The following MBOAT2 variants were observed in gnomAD, a reference collection of about 807,000 sequenced individuals.
MBOAT2 encodes the protein membrane bound glycerophospholipid O-acyltransferase 2.
Under a neutral mutation model 63.4 loss-of-function variants are expected in MBOAT2, and 28 were observed. The ratio of observed to expected loss-of-function variants is 0.44; its 90% CI spans 0.33 to 0.61. The LOEUF is 0.61. Among genes scored for constraint, MBOAT2 ranks in the 20% least tolerant of loss-of-function variants. The pLI is 0.03. For missense variants in MBOAT2, 470 were observed against 605.8 expected (o/e 0.78, Z 2.35); for synonymous variants, 211 against 215.6 (o/e 0.98, Z 0.19).
intron 1 of MBOAT2, among the ~76,000 whole-genome samples, chr2:8,960,259 T>G (rs1000167158): frequency 6.6e-6 from 1 of 152,246 alleles, no homozygotes; most frequent in Non-Finnish European, 1.5e-5. Context: ...AAGTATCTCT[T>G]ATTTCTTTCT....
chr2:8,931,899 G>T (rs1230586234), intron 3 of MBOAT2, among the ~76,000 whole-genome samples: 1 of 152,156 alleles, frequency 6.6e-6, no homozygotes, highest in Non-Finnish European at 1.5e-5. Flanking sequence ...GGTTGTAGAT[G>T]TGTGGTATTA....
At chr2:8,920,054 T>C (rs1216946920) in intron 3 of MBOAT2, among the ~76,000 whole-genome samples, 1 of 152,154 alleles carries the variant, frequency 6.6e-6, no homozygotes, top group East Asian at 1.9e-4. Context: ...GCGTGTGCTA[T>C]CACACTCAGA....
chr2:8,860,614 T>C lies in MBOAT2; in HGVS notation c.1336A>G (p.Ser446Gly), dbSNP rs766881306. 1.9e-6 allele frequency: 3 copies of C among 1,612,172 alleles called. No individual in the cohort carries two copies. The highest frequency in any genetic ancestry group is 1.7e-6 in the Non-Finnish European group (2 of 1,179,448). Residue 446 changes from serine to glycine, a missense_variant and splice_region_variant, in exon 12 of 13, where the codon AGC (serine) becomes GGC (glycine). Physicochemically the swap from Ser to Gly is moderately conservative, Grantham distance 56. Coordinates refer to ENST00000305997, the MANE Select transcript of MBOAT2 (RefSeq NM_138799.4). ...LSIKPSLTFY[S>G]SWYYCLHILG... is the part of the protein sequence containing the mutation. ...CAAAGTTTTAAGAGTAACACTTACC[T>C]GTAAAACGTGAGTGATGGTTTTATA...
intron 4 of MBOAT2, among the ~76,000 whole-genome samples, chr2:8,895,338 A>G (rs1664368462): frequency 6.6e-6 from 1 of 152,088 alleles, no homozygotes; most frequent in Non-Finnish European, 1.5e-5. Context: ...CAGAGTGCTG[A>G]TTGGTCCGTT....
At chr2:8,994,700 T>C (rs1036947835) in intron 1 of MBOAT2, among the ~76,000 whole-genome samples, 7 of 152,150 alleles carry the variant, frequency 4.6e-5, no homozygotes, top group Non-Finnish European at 8.8e-5. Context: ...ACTTAGGGCA[T>C]GTAGGTGTAG....
chr2:8,971,691 G>T (rs1021758100), intron 1 of MBOAT2, among the ~76,000 whole-genome samples: 3 of 152,114 alleles, frequency 2.0e-5, no homozygotes, highest in Admixed American at 6.6e-5. Flanking sequence ...AAATCAATGT[G>T]CAAAAATCAC....
rs535333078 is a variant in MBOAT2 at position 8,930,896 on chromosome 2, C to T, written c.299+12291G>A. On this transcript the variant is annotated intron_variant, in intron 3 of 12. Coordinates refer to ENST00000305997, the MANE Select transcript of MBOAT2 (RefSeq NM_138799.4). ...CAAAATCTAACACTGGCTACCTGCT[C>T]GGGACCCCTTCCATGCTGTGGAAGC... Among the ~76,000 whole-genome samples the T allele has an allele frequency of 1.5e-3, 222 of 152,254 alleles. 4 individuals are homozygous for T. The highest frequency in any genetic ancestry group is 0.014 in the Middle Eastern group (4 of 294).
intron 1 of MBOAT2, among the ~76,000 whole-genome samples, chr2:8,974,139 A>T (rs1292573687): frequency 6.6e-6 from 1 of 152,160 alleles, no homozygotes; most frequent in Admixed American, 6.6e-5. Context: ...AAGAACCCAG[A>T]TGTTGTTCAG....
chr2:8,935,443 C>G (rs1212161605), intron 3 of MBOAT2, among the ~76,000 whole-genome samples: 1 of 152,208 alleles, frequency 6.6e-6, no homozygotes, highest in Non-Finnish European at 1.5e-5. Context: ...GGAGTTCACA[C>G]TCTGGGGAGA....
At position 9,003,606 on chromosome 2, in the gene MBOAT2, G is replaced by A; in HGVS notation, c.9C>T (p.Thr3=). 1 of 1,202,556 alleles carries A rather than the reference G, an allele frequency of 8.3e-7. No homozygotes were observed. Among genetic ancestry groups the A allele is most frequent in the Non-Finnish European group, 1.0e-6 (1 of 966,626 alleles). The allele number at this position is 1,202,556 out of a possible 1,614,324, so 74.5% of individuals were successfully genotyped here. A position where few individuals can be genotyped will look rare whatever the true frequency, so the allele number is the denominator to read the frequency against. The change falls in exon 1 of 13, where the codon ACC becomes ACT. Residue 3 remains threonine (T), a synonymous_variant. Coordinates refer to ENST00000305997, the MANE Select transcript of MBOAT2 (RefSeq NM_138799.4). The surrounding 1 kb of genome is among the most constrained non-coding windows in gnomAD (Gnocchi z 5.4). ...GCAGGGTGGAGCCCGTGGTGCTGGT[G>A]GTGGCCATGGCCGGGCCTCGGCGCT... is the stretch of plus-strand genomic sequence containing the variant. MA[T]TSTTGSTLLQ... is the part of the protein sequence containing the mutation.
chr2:8,974,334 A>C, intron 1 of MBOAT2: 1 of 456,084 alleles, frequency 2.2e-6, no homozygotes, highest in South Asian at 1.6e-5. Flanking sequence ...TCACTCTTAA[A>C]AAGGGATACA....
At chr2:8,861,319 C>T (rs1294087012) in intron 11 of MBOAT2, among the ~76,000 whole-genome samples, 1 of 152,058 alleles carries the variant, frequency 6.6e-6, no homozygotes, top group South Asian at 2.1e-4. Flanking sequence ...TGCATAGATA[C>T]CTGGTAATTC....
chr2:8,941,791 A>T (rs1007881598), intron 3 of MBOAT2, among the ~76,000 whole-genome samples: 4 of 152,216 alleles, frequency 2.6e-5, no homozygotes, highest in Non-Finnish European at 4.4e-5. Flanking sequence ...TTACAAAGTT[A>T]ACTTCACCGA....
In MBOAT2 at chr2:8,856,345, A is replaced by G. The variant is rs1331378742; in HGVS notation, c.*2334T>C. 1 of 151,988 alleles carries G rather than the reference A, an allele frequency of 6.6e-6. No homozygotes were observed. The highest frequency in any genetic ancestry group is 2.1e-4 in the South Asian group (1 of 4,814). The allele number at this position is 151,988 out of a possible 1,614,324, so 9.4% of individuals were successfully genotyped here. A position where few individuals can be genotyped will look rare whatever the true frequency, so the allele number is the denominator to read the frequency against. On this transcript the variant is annotated 3_prime_UTR_variant, in exon 13 of 13. Coordinates refer to ENST00000305997, the MANE Select transcript of MBOAT2 (RefSeq NM_138799.4). The surrounding 1 kb of genome is among the most constrained non-coding windows in gnomAD (Gnocchi z 4.2). ...CACACACACACACACACACACGAAC[A>G]AAACCCAACAAGTTTGTATTAAGCC...
intron 3 of MBOAT2, among the ~76,000 whole-genome samples, chr2:8,936,818 A>C (rs1006526129): frequency 9.3e-5 from 14 of 150,252 alleles, no homozygotes; most frequent in Non-Finnish European, 1.6e-4. Flanking sequence ...AAAGAAAAAG[A>C]AAAGAAAAAA....
intron 12 of MBOAT2, 24 bp downstream of exon 12, chr2:8,860,589 C>T: frequency 6.2e-7 from 1 of 1,603,356 alleles, no homozygotes; most frequent in Non-Finnish European, 8.5e-7. Flanking sequence ...TTCCCACTGA[C>T]AAAGTTTTAA....
Position 8,862,431 on chromosome 2 carries a change from T to TCAGCAAACATGCACG in MBOAT2, c.1185+144_1185+158dup. 7.6e-7 allele frequency: 1 copy of TCAGCAAACATGCACG among 1,313,258 alleles called. No homozygotes were observed. The highest frequency in any genetic ancestry group is 1.4e-5 in the South Asian group (1 of 71,146). 81.4% of individuals were successfully genotyped at this position (1,313,258 alleles called of 1,614,324 possible). On this transcript the variant is annotated intron_variant, in intron 11 of 12. Coordinates refer to ENST00000305997, the MANE Select transcript of MBOAT2 (RefSeq NM_138799.4). This position sits in a 1 kb window ranked among gnomAD's most constrained non-coding sequence, Gnocchi z 4.3. The stretch of plus-strand genomic sequence containing the variant: ...ATGGAGCCTAGCCCGTGGTGAGCGC[T>TCAGCAAACATGCACG]CAGCAAACATGCACGCAGTACACAC...
At chr2:8,984,046 C>T (rs1428040534) in intron 1 of MBOAT2, among the ~76,000 whole-genome samples, 1 of 152,094 alleles carries the variant, frequency 6.6e-6, no homozygotes, top group Non-Finnish European at 1.5e-5. Context: ...TATTATTTAG[C>T]TTTTACAAGG....
chr2:8,887,164 A>G (rs1037670836), intron 5 of MBOAT2, among the ~76,000 whole-genome samples: 3 of 152,166 alleles, frequency 2.0e-5, no homozygotes, highest in African/African-American at 7.2e-5. Context: ...ATTTTCCCTC[A>G]GTGGTGTTTC....
Sources: gnomAD v4.1 joint callset for allele counts (sites outside exome capture counted in the v4.1 genomes callset) on GRCh38, gnomAD v4.1.1 for gene constraint, Gnocchi (gnomAD v3.1) non-coding constraint, MANE v1.5 for transcripts, NCBI Gene and HGNC (gene_info 2026-07-23, HGNC 2026-07-21) for gene names.